TTN: variants seen among roughly 807,000 people sequenced by gnomAD.
TTN encodes titin.
A neutral mutation model predicts 3,223.0 loss-of-function variants in TTN; 1,525 were observed. That is an observed-to-expected ratio of 0.47 (90% confidence interval 0.45 to 0.49). TTN has a LOEUF of 0.49. Among genes scored for constraint, TTN ranks in the 20% least tolerant of loss-of-function variants. The probability of loss-of-function intolerance (pLI) is 0.00; values close to 1 mark genes in which losing one functional copy is unlikely to be tolerated. For missense variants in TTN, 40,786 were observed against 43,424.0 expected, an observed-to-expected ratio of 0.94 and a Z score of 5.40; for synonymous variants, 14,094 against 15,161.0, an observed-to-expected ratio of 0.93 and a Z score of 5.17.
At position 178,704,516 on chromosome 2, in the gene TTN, C is replaced by T. The variant is rs897070145; in HGVS notation, c.29956G>A (p.Val9986Ile). Reference sequence around the variant, plus strand: ...TAAGCCTTTTCTAACTTACCAATTACAGTTAGTTTAGCGCTAGCGATGTGT... The same window carrying T: ...TAAGCCTTTTCTAACTTACCAATTATAGTTAGTTTAGCGCTAGCGATGTGT... Reference protein sequence around the residue: ...GPHIASAKLTVIEPAWERHLQ... With the variant: ...GPHIASAKLTIIEPAWERHLQ... Residue 9986 changes from valine to isoleucine, a missense_variant, in exon 105 of 363, where the codon GTA becomes ATA. By Grantham distance (29) the Val-to-Ile change is conservative. Transcript: ENST00000589042. The T allele has an allele frequency of 1.2e-6, 2 of 1,603,698 alleles. No homozygotes were observed. Among genetic ancestry groups the T allele is most frequent in the Non-Finnish European group, 1.7e-6 (2 of 1,174,366 alleles).
Position 178,565,859 on chromosome 2 carries a change from A to G in TTN, c.80273T>C (p.Met26758Thr). The G allele has an allele frequency of 3.1e-6, 5 of 1,613,642 alleles. No homozygotes were observed. The highest frequency in any genetic ancestry group is 2.2e-5 in the East Asian group (1 of 44,852). ...ACCAACTCCAAATTCATTTTCAGCC[A>G]TGACTCTGAAGTAATAAATGGCTCC... is the stretch of plus-strand genomic sequence containing the variant. The part of the protein sequence containing the change: ...TEGAIYYFRV[M>T]AENEFGVGVP... Residue 26758 changes from methionine (M) to threonine (T), a missense_variant, in exon 326 of 363, where the codon ATG becomes ACG. Transcript: ENST00000589042.
chr2:178,803,424 A>G (rs2094161196), intron 2 of TTN, among the ~76,000 whole-genome samples: 1 of 152,016 alleles, frequency 6.6e-6, no homozygotes, highest in African/African-American at 2.4e-5. Context: ...TAGGTAAATT[A>G]TTTGGAAGTC....
In TTN at chr2:178,528,416, A is replaced by G; in HGVS notation, c.107235T>C (p.Ser35745=). ...WFKNNLPISI[S]SNVSISRSRN... is the part of the protein sequence containing the mutation. ...TGGAGCGGCTTATGCTGACATTTGA[A>G]GAAATAGAAATCTAAGACAAAGGAA... The change falls in exon 361 of 363, where the codon TCT becomes TCC. Residue 35745 remains serine (S), a synonymous_variant. Coordinates refer to ENST00000589042, the MANE Select transcript of TTN (RefSeq NM_001267550.2). The G allele has an allele frequency of 6.2e-7, 1 of 1,612,942 alleles. No individual in the cohort carries two copies. The highest frequency in any genetic ancestry group is 8.5e-7 in the Non-Finnish European group (1 of 1,179,622).
In TTN at chr2:178,694,599, C is replaced by A. The variant is rs866497993; in HGVS notation, c.31426G>T (p.Val10476Leu). ...PVQEEVIEVK[V>L]PAVHTKKMVI... ...GTAGCTGAAACACAAAGATGTATAC[C>A]TTTCACTTCAATAACTTCTTCCTGT... Residue 10476 changes from valine (V) to leucine (L), a missense_variant and splice_region_variant, in exon 117 of 363, where the codon GTA (valine) becomes TTA (leucine). Val to Leu is a conservative substitution (Grantham distance 32). Transcript: ENST00000589042. The A allele has an allele frequency of 1.3e-6, 2 of 1,553,016 alleles. No individual in the cohort carries two copies. Among genetic ancestry groups the A allele is most frequent in the Non-Finnish European group, 1.7e-6 (2 of 1,147,220 alleles).
rs755738851 is a variant in TTN at position 178,593,969 on chromosome 2, T to C, written c.58424A>G (p.Asn19475Ser). 3.7e-6 allele frequency: 6 copies of C among 1,613,380 alleles called. No homozygotes were observed. Among genetic ancestry groups the C allele is most frequent in the Middle Eastern group, 3.3e-4 (2 of 6,054 alleles). ...CACTAAATAAGACTTACCAACAACA[T>C]TAACTTGACAGAAACCTTTCCTAGA... Reference protein sequence around the residue: ...TGSRKGFCQVNVVDRPGPPVG... With the variant: ...TGSRKGFCQVSVVDRPGPPVG... Residue 19475 changes from asparagine (N) to serine (S), a missense_variant, in exon 297 of 363, where the codon AAT (asparagine) becomes AGT (serine). By Grantham distance (46) the Asn-to-Ser change is conservative (BLOSUM62 1). Transcript: ENST00000589042.
intron 208 of TTN, 142 bp from the exon 209 acceptor site, chr2:178,650,976 G>T: frequency 1.1e-6 from 1 of 930,832 alleles, no homozygotes; most frequent in Non-Finnish European, 1.6e-6. Flanking sequence ...ATCTGTCTTT[G>T]GACCCTCATA....
Position 178,560,683 on chromosome 2 carries a change from G to T in TTN, c.85449C>A (p.Ile28483=), listed in dbSNP as rs758811159. The T allele has an allele frequency of 1.4e-5, 23 of 1,613,536 alleles. No individual in the cohort carries two copies. The highest frequency in any genetic ancestry group is 1.6e-5 in the Non-Finnish European group (19 of 1,179,766). The part of the protein sequence containing the change: ...GRPQEDGGAD[I]DYYIVEKRET... ...CACGTTTTTCTACGATGTAATAGTCGATATCTGCACCACCATCTTCTTGGG... is the reference window on the plus strand; with the variant it reads ...CACGTTTTTCTACGATGTAATAGTCTATATCTGCACCACCATCTTCTTGGG... Residue 28483 remains isoleucine (I), a synonymous_variant, in exon 326 of 363, where the codon ATC becomes ATA. Transcript: ENST00000589042.
At chr2:178,579,536 T>C (rs1359899009) in intron 319 of TTN, 25 bp downstream of exon 319, 2 of 1,607,412 alleles carry the variant, frequency 1.2e-6, no homozygotes, top group Non-Finnish European at 1.7e-6. Flanking sequence ...AAAGGAAAAA[T>C]GAAGATGTGT....
rs1361103429 is a variant in TTN at position 178,717,221 on chromosome 2, T to C, written c.25513A>G (p.Thr8505Ala). The change falls in exon 88 of 363, where the codon ACT becomes GCT. Residue 8505 changes from threonine to alanine, a missense_variant. Coordinates refer to ENST00000589042, the MANE Select transcript of TTN (RefSeq NM_001267550.2). The stretch of plus-strand genomic sequence containing the variant: ...AGAGTGGCAGTATTTTCTACCAAAG[T>C]CATCTTGTAGTTGCCTCCAGGGCGA... ...EIRPGGNYKM[T>A]LVENTATLTV... The C allele has an allele frequency of 1.2e-6, 2 of 1,613,562 alleles. No individual in the cohort carries two copies. The highest frequency in any genetic ancestry group is 1.6e-4 in the Middle Eastern group (1 of 6,084).
chr2:178,783,114 T>C (rs745849467), intron 17 of TTN, 50 bp from the exon 18 acceptor site: 1 of 1,600,480 alleles, frequency 6.2e-7, no homozygotes, highest in Non-Finnish European at 8.6e-7. Context: ...TATTCATTAA[T>C]CACTTCTGTT....
rs2154194671 is a variant in TTN at position 178,604,015 on chromosome 2, C to T, written c.54672G>A (p.Val18224=). 1 of 1,612,904 alleles carries T rather than the reference C, an allele frequency of 6.2e-7. No homozygotes were observed. Among genetic ancestry groups the T allele is most frequent in the Non-Finnish European group, 8.5e-7 (1 of 1,179,206 alleles). Residue 18224 remains valine (V), a synonymous_variant, in exon 282 of 363, where the codon GTG becomes GTA. Transcript: ENST00000589042. ...SRVSRAPITK[V]GLKGVEFNVP... is the part of the protein sequence containing the mutation. ...CATTAAATTCCACGCCTTTCAATCC[C>T]ACTTTGGTTATTGGTGCTCGGCTAA... is the stretch of plus-strand genomic sequence containing the variant.
chr2:178,730,732 G>T lies in TTN; in HGVS notation c.17801C>A (p.Ser5934Tyr). 6.2e-7 allele frequency: 1 copy of T among 1,613,144 alleles called. No individual in the cohort carries two copies. The highest frequency in any genetic ancestry group is 8.5e-7 in the Non-Finnish European group (1 of 1,179,398). The stretch of plus-strand genomic sequence containing the variant: ...CACTATACATTCTAAATCAATGAAA[G>T]AACCTTTAATGCTGTCCATTTTCTT... ...KLKKMDSIKG[S>Y]FIDLECIVAG... Residue 5934 changes from serine to tyrosine, a missense_variant, in exon 61 of 363, where the codon TCT becomes TAT. Transcript: ENST00000589042.
chr2:178,583,933 AT>A, intron 311 of TTN, 27 bp from the exon 312 acceptor site: 1 of 1,494,086 alleles, frequency 6.7e-7, no homozygotes, highest in Non-Finnish European at 8.9e-7. Context: ...TACACTCACC[AT>A]TTATCTTACC....
chr2:178,550,334 A>G, intron 336 of TTN, 61 bp from the exon 337 acceptor site: 2 of 1,406,810 alleles, frequency 1.4e-6, no homozygotes, highest in Non-Finnish European at 1.9e-6. Flanking sequence ...ACATAAATAT[A>G]TATTTTTCAG....
intron 45 of TTN, 37 bp downstream of exon 45, chr2:178,757,505 C>T (rs1232064971): frequency 4.6e-6 from 7 of 1,518,918 alleles, no homozygotes; most frequent in Non-Finnish European, 6.2e-6. Flanking sequence ...GAGAGGTATA[C>T]AGCAAATCAA....
Position 178,685,554 on chromosome 2 carries a change from T to C in TTN, c.32356A>G (p.Ile10786Val), listed in dbSNP as rs545839939. The change falls in exon 128 of 363, where the codon ATT becomes GTT. Residue 10786 changes from isoleucine to valine, a missense_variant. Ile to Val is a conservative substitution (Grantham distance 29). Transcript: ENST00000589042. Reference protein sequence around the residue: ...EEYVVEEKLHIISKRVEAEPA... With the variant: ...EEYVVEEKLHVISKRVEAEPA... ...TCAGCTTCCACTCTCTTAGAAATAA[T>C]GTGCAGCTTTTCTTCCACAACATAT... The C allele has an allele frequency of 1.9e-6, 3 of 1,613,704 alleles. No individual in the cohort carries two copies. Among genetic ancestry groups the C allele is most frequent in the African/African-American group, 2.7e-5 (2 of 75,042 alleles).
Position 178,725,591 on chromosome 2 carries a change from A to G in TTN, c.20613T>C (p.Ala6871=), listed in dbSNP as rs778927131. The G allele has an allele frequency of 1.9e-6, 3 of 1,611,598 alleles. No homozygotes were observed. The highest frequency in any genetic ancestry group is 2.5e-6 in the Non-Finnish European group (3 of 1,178,758). The change falls in exon 71 of 363, where the codon GCT becomes GCC. Residue 6871 remains alanine (A), a synonymous_variant. Transcript: ENST00000589042. ...CGCCTTCTATGGATGCTTGTAATTC[A>G]GCAGGCTCTCCGGCTACAACAGTGA... The part of the protein sequence containing the change: ...NSLTVVAGEP[A]ELQASIEGAQ...
chr2:178,688,382 G>A (rs1230786149), intron 126 of TTN, among the ~76,000 whole-genome samples, 158 bp from the exon 127 acceptor site: 2 of 152,224 alleles, frequency 1.3e-5, no homozygotes, highest in African/African-American at 2.4e-5. Flanking sequence ...AATTTAAGAT[G>A]AGGGCAAGTA....
Position 178,792,305 on chromosome 2 carries a change from T to C in TTN, c.1537-108A>G. ...GAATTTGAAGATGTAAAATCCCTTT[T>C]CTGCAGATGTCACTAAATAAAATAA... On this transcript the variant is annotated intron_variant, in intron 9 of 362. Transcript: ENST00000589042. The C allele has an allele frequency of 2.8e-6, 3 of 1,054,970 alleles. No individual in the cohort carries two copies. In the East Asian group the frequency reaches 7.9e-5, roughly 28 times the overall value. 65.4% of individuals were successfully genotyped at this position (1,054,970 alleles called of 1,614,324 possible).
Sources: allele counts gnomAD v4.1 joint callset (sites outside exome capture counted in the v4.1 genomes callset), GRCh38; gene constraint gnomAD v4.1.1; transcripts MANE v1.5; gene names NCBI Gene and HGNC (gene_info 2026-07-23, HGNC 2026-07-21).